Variants in NPAT observed in about 807,000 individuals in gnomAD.
NPAT encodes protein NPAT.
In NPAT, 52 loss-of-function variants were observed where a neutral mutation model predicts 130.7. The observed-to-expected ratio is 0.40, with a 90% CI of 0.32 to 0.50. The LOEUF (loss-of-function observed/expected upper bound fraction) is 0.50, where lower values mean the gene tolerates loss of function less well. Ranked by LOEUF, NPAT falls within the 20% of genes least tolerant of loss-of-function variation. NPAT has a pLI of 0.68. For synonymous variants in NPAT, 580 were observed against 584.8 expected, an observed-to-expected ratio of 0.99 and a Z score of 0.12; for missense variants, 1,687 against 1,662.6, an observed-to-expected ratio of 1.01 and a Z score of -0.26.
At chr11:108,192,335 C>G in intron 3 of NPAT, 145 bp from the exon 4 acceptor site, 1 of 688,422 alleles carries the variant, frequency 1.5e-6, no homozygotes, top group South Asian at 1.6e-5. Context: ...TGTAAAATAG[C>G]TTGCAAAGCT....
chr11:108,191,697 G>T (rs2078171184), intron 4 of NPAT, among the ~76,000 whole-genome samples: 1 of 152,176 alleles, frequency 6.6e-6, no homozygotes, highest in Non-Finnish European at 1.5e-5. Context: ...GATAACAGAA[G>T]ATTTCAGAAT....
intron 5 of NPAT, among the ~76,000 whole-genome samples, 175 bp downstream of exon 5, chr11:108,190,285 C>A (rs2078154500): frequency 7.8e-6 from 1 of 128,680 alleles, no homozygotes; most frequent in South Asian, 2.4e-4. Context: ...TGCACTTCAG[C>A]CTGGGCGACA....
rs111992645 is a variant in NPAT at position 108,180,757 on chromosome 11, T to C, written c.907-3667A>G. ...AGACGTATTTGTACACCCATGTTCA[T>C]TGCAGCATTATTCATGATAGCCAAG... On this transcript the variant is annotated intron_variant, in intron 10 of 17. Transcript: ENST00000278612. 7.2e-3 allele frequency among the ~76,000 whole-genome samples: 1,104 copies of C among 152,330 alleles called. 8 individuals are homozygous for C. The highest frequency in any genetic ancestry group is 0.024 in the African/African-American group (982 of 41,554).
At chr11:108,210,808 C>A (rs1476406350) in intron 1 of NPAT, among the ~76,000 whole-genome samples, 3 of 152,232 alleles carry the variant, frequency 2.0e-5, no homozygotes, top group Admixed American at 6.5e-5. Context: ...CAATCCTTTA[C>A]AAACTCTTTT....
Position 108,186,509 on chromosome 11 carries a change from T to C in NPAT, c.699A>G (p.Gln233=), listed in dbSNP as rs754303665. The change falls in exon 8 of 18, where the codon CAA becomes CAG. Residue 233 remains glutamine, a synonymous_variant. Transcript: ENST00000278612. ...SGPHSTIRNF[Q]DPNAFAVEKQ... ...TTTCTACTGCAAAAGCGTTTGGATC[T>C]TGGAAATTCCGTATTGTTGAATGAG... 7 of 1,613,994 alleles carry C rather than the reference T, an allele frequency of 4.3e-6. No homozygotes were observed. The African/African-American group carries it at 6.7e-5, about 15-fold the overall frequency.
rs996089764 is a variant in NPAT, at chr11:108,173,373, A to T, written c.1611T>A (p.Asp537Glu). Residue 537 changes from aspartate (D) to glutamate (E), a missense_variant, in exon 13 of 18, where the codon GAT becomes GAA. Around this residue, in one of 3 missense-constraint regions of NPAT, gnomAD observed 1,379 missense variants for 1,346.6 expected, o/e 1.02. Transcript: ENST00000278612. ...TAGATGGCTTTCCAGTTAATGAAGT[A>T]TCTTGGGATAAAAGTTGAGAACTCT... ...SGKSSQLLSQ[D>E]TSLTGKPSKK... The T allele has an allele frequency of 6.2e-7, 1 of 1,613,696 alleles. No homozygotes were observed. The highest frequency in any genetic ancestry group is 2.2e-5 in the East Asian group (1 of 44,876).
In NPAT at chr11:108,160,930, T is replaced by A. The variant is rs180875716; in HGVS notation, c.4156A>T (p.Ser1386Cys). 4.3e-6 allele frequency: 7 copies of A among 1,614,192 alleles called. No homozygotes were observed. The East Asian group carries it at 1.6e-4, about 36-fold the overall frequency. Residue 1386 changes from serine (S) to cysteine (C), a missense_variant, in exon 17 of 18, where the codon AGT (serine) becomes TGT (cysteine). By Grantham distance (112) the Ser-to-Cys change is moderately radical. Transcript: ENST00000278612. Reference protein sequence around the residue: ...DERERNSRPSSKNLTNSSIPM... With the variant: ...DERERNSRPSCKNLTNSSIPM... The stretch of plus-strand genomic sequence containing the variant: ...ATTGATGAATTTGTAAGATTTTTAC[T>A]AGAAGGACGAGAGTTTCGCTCACGT...
intron 1 of NPAT, among the ~76,000 whole-genome samples, chr11:108,205,994 G>A (rs1309566249): frequency 3.9e-5 from 6 of 152,170 alleles, no homozygotes; most frequent in South Asian, 4.1e-4. Context: ...GCAGTGAGGC[G>A]AGATCATGCC....
intron 1 of NPAT, among the ~76,000 whole-genome samples, chr11:108,203,598 T>C (rs1392140037): frequency 6.6e-6 from 1 of 152,218 alleles, no homozygotes; most frequent in Admixed American, 6.5e-5. Flanking sequence ...GTCATTAACC[T>C]ACCATGAACA....
At chr11:108,170,495 T>C (rs139399555) in intron 13 of NPAT, among the ~76,000 whole-genome samples, 97 of 152,260 alleles carry the variant, frequency 6.4e-4, no homozygotes, top group African/African-American at 2.2e-3. Flanking sequence ...CCCAACCTAT[T>C]ACATATCTCA....
chr11:108,221,987 C>A (rs969336118), intron 1 of NPAT, among the ~76,000 whole-genome samples: 1 of 152,130 alleles, frequency 6.6e-6, no homozygotes, highest in Non-Finnish European at 1.5e-5. Context: ...CGACGTATTG[C>A]GTGGAGGATG....
At chr11:108,169,722 T>C (rs1361139963) in intron 15 of NPAT, 22 bp downstream of exon 15, 1 of 1,459,662 alleles carries the variant, frequency 6.9e-7, no homozygotes, top group South Asian at 1.1e-5. Context: ...AAAGTTAACA[T>C]TAATGAAATT....
intron 1 of NPAT, among the ~76,000 whole-genome samples, chr11:108,212,355 T>C (rs1477175921): frequency 1.3e-5 from 2 of 151,678 alleles, no homozygotes; most frequent in African/African-American, 4.8e-5. Context: ...TGAAACCCCG[T>C]CTCTACTAAA....
rs572831379 is a variant in NPAT, at chr11:108,192,127, G to C, written c.281C>G (p.Ser94Cys). ...SLWKKLDHTL[S>C]QIRSMQSSPR... ...TCTAATAGCTTATTACCTGATCTGAGAAAGTGTATGGTCCAATTTCTTCCA... is the reference window on the plus strand; with the variant it reads ...TCTAATAGCTTATTACCTGATCTGACAAAGTGTATGGTCCAATTTCTTCCA... Residue 94 changes from serine (S) to cysteine (C), a missense_variant, in exon 4 of 18, where the codon TCT becomes TGT. This residue lies in a region of NPAT where 307 missense variants were observed against 298.9 expected (regional missense o/e 1.03). Coordinates refer to ENST00000278612, the MANE Select transcript of NPAT (RefSeq NM_002519.3). The C allele has an allele frequency of 3.8e-6, 6 of 1,597,924 alleles. No individual in the cohort carries two copies. In the South Asian group the frequency reaches 6.6e-5, roughly 18 times the overall value.
chr11:108,187,402 T>C (rs576137370), intron 7 of NPAT, among the ~76,000 whole-genome samples: 1 of 152,204 alleles, frequency 6.6e-6, no homozygotes, highest in South Asian at 2.1e-4. Context: ...CAGTGAGTTA[T>C]GATTGTACCA....
At chr11:108,208,538 T>C (rs1283366579) in intron 1 of NPAT, 2 of 450,100 alleles carry the variant, frequency 4.4e-6, no homozygotes, top group Non-Finnish European at 4.4e-6. Context: ...CAGCGAACCA[T>C]GACTGCACCA....
chr11:108,163,237 G>C (rs935888202), intron 15 of NPAT, among the ~76,000 whole-genome samples: 1 of 151,942 alleles, frequency 6.6e-6, no homozygotes, highest in Non-Finnish European at 1.5e-5. Context: ...ACGCTGCCAC[G>C]CCTGGCTAAT....
intron 1 of NPAT, among the ~76,000 whole-genome samples, chr11:108,212,354 G>A (rs1255363856): frequency 2.0e-5 from 3 of 151,774 alleles, no homozygotes; most frequent in South Asian, 4.2e-4. Flanking sequence ...GTGAAACCCC[G>A]TCTCTACTAA....
At chr11:108,168,309 A>G (rs1186550884) in intron 15 of NPAT, among the ~76,000 whole-genome samples, 1 of 152,242 alleles carries the variant, frequency 6.6e-6, no homozygotes, top group Non-Finnish European at 1.5e-5. Flanking sequence ...GTCCACTGAT[A>G]GGACATATAT....
Sources: gnomAD v4.1 joint callset for allele counts (sites outside exome capture counted in the v4.1 genomes callset) on GRCh38, gnomAD v4.1.1 for gene constraint, gnomAD v4.1.1 regional missense constraint, MANE v1.5 for transcripts, NCBI Gene and HGNC (gene_info 2026-07-23, HGNC 2026-07-21) for gene names.